LRRC8C: variants seen among roughly 807,000 people sequenced by gnomAD.
The protein encoded by LRRC8C is leucine rich repeat containing 8 VRAC subunit C, also known as volume-regulated anion channel subunit LRRC8C.
LRRC8C carries 20 observed loss-of-function variants against 55.3 expected under a neutral mutation model. The observed-to-expected ratio is 0.36, with a 90% confidence interval of 0.25 to 0.53. The LOEUF (loss-of-function observed/expected upper bound fraction) is 0.53. Among genes scored for constraint, LRRC8C ranks in the 20% least tolerant of loss-of-function variants. The probability of loss-of-function intolerance (pLI) is 0.92; values close to 1 mark genes in which losing one functional copy is unlikely to be tolerated. For missense variants in LRRC8C, 659 were observed against 951.4 expected (o/e 0.69, Z 4.04); for synonymous variants, 376 against 360.7 (o/e 1.04, Z -0.48).
At chr1:89,659,030 A>T (rs1657027489) in intron 1 of LRRC8C, among the ~76,000 whole-genome samples, 4 of 138,750 alleles carry the variant, frequency 2.9e-5, no homozygotes, top group African/African-American at 5.4e-5. Context: ...AGGAAATTTT[A>T]GGTTGTGTCT....
At position 89,686,479 on chromosome 1, in the gene LRRC8C, T is replaced by A; in HGVS notation, c.6T>A (p.Ile2=). ...ATCTCTCCTTTCTCAGAAACATGAT[T>A]CCCGTGACAGAATTCCGGCAGTTCT... M[I]PVTEFRQFSE... is the part of the protein sequence containing the mutation. Residue 2 remains isoleucine (I), a synonymous_variant, in exon 2 of 3, where the codon ATT becomes ATA. Coordinates refer to ENST00000370454, the MANE Select transcript of LRRC8C (RefSeq NM_032270.5). 2 of 1,614,142 alleles carry A rather than the reference T, an allele frequency of 1.2e-6. No individual in the cohort carries two copies. Among genetic ancestry groups the A allele is most frequent in the Non-Finnish European group, 1.7e-6 (2 of 1,180,000 alleles).
At chr1:89,665,726 T>C (rs2101224408) in intron 1 of LRRC8C, among the ~76,000 whole-genome samples, 1 of 152,242 alleles carries the variant, frequency 6.6e-6, no homozygotes, top group African/African-American at 2.4e-5. Flanking sequence ...TAGTGTAGCC[T>C]AGGTGTACAG....
the LRRC8C span, chr1:89,626,408 C>G: frequency 6.6e-6 from 1 of 152,186 alleles, no homozygotes; most frequent in African/African-American, 2.4e-5. Flanking sequence ...TTAGACCCCA[C>G]AGGCTAAGGG....
chr1:89,674,549 A>C (rs1570714737), intron 1 of LRRC8C, among the ~76,000 whole-genome samples: 1 of 152,136 alleles, frequency 6.6e-6, no homozygotes, highest in Admixed American at 6.5e-5. Flanking sequence ...ACAAAACCTA[A>C]CATTCTGATT....
At chr1:89,686,939 A>G (rs1044650771) in intron 2 of LRRC8C, among the ~76,000 whole-genome samples, 3 of 152,206 alleles carry the variant, frequency 2.0e-5, no homozygotes, top group Non-Finnish European at 4.4e-5. Context: ...AGCACCATTG[A>G]TACTGCCAAA....
the LRRC8C span, among the ~76,000 whole-genome samples, chr1:89,623,504 C>A: frequency 6.6e-6 from 1 of 152,128 alleles, no homozygotes; most frequent in African/African-American, 2.4e-5. Flanking sequence ...GGGCAGATCA[C>A]AAGGTCAGGA....
At chr1:89,635,786 C>A (rs1186135811) in intron 1 of LRRC8C, among the ~76,000 whole-genome samples, 1 of 152,156 alleles carries the variant, frequency 6.6e-6, no homozygotes, top group East Asian at 1.9e-4. Flanking sequence ...CAGAGCTTAA[C>A]CTTATGGACA....
chr1:89,650,469 G>T, intron 1 of LRRC8C, among the ~76,000 whole-genome samples: 1 of 150,444 alleles, frequency 6.6e-6, no homozygotes. Context: ...CTACAAGACT[G>T]GAATTTAATC....
intron 2 of LRRC8C, among the ~76,000 whole-genome samples, chr1:89,707,974 T>G (rs1248989240): frequency 1.3e-5 from 2 of 152,112 alleles, no homozygotes; most frequent in Admixed American, 1.3e-4. Context: ...TTTCCATAAA[T>G]GATTTCATTC....
At position 89,714,328 on chromosome 1, in the gene LRRC8C, G is replaced by A. The variant is rs754122852; in HGVS notation, c.1758G>A (p.Lys586=). 1 of 1,614,186 alleles carries A rather than the reference G, an allele frequency of 6.2e-7. No individual in the cohort carries two copies. Among genetic ancestry groups the A allele is most frequent in the East Asian group, 2.2e-5 (1 of 44,888 alleles). The stretch of plus-strand genomic sequence containing the variant: ...AGCTGGTGATGCTCAACAACTTAAA[G>A]AAGATGACCAATCTGACAGAGCTGG... The part of the protein sequence containing the change: ...GTKLVMLNNL[K]KMTNLTELEL... Residue 586 remains lysine (K), a synonymous_variant, in exon 3 of 3, where the codon AAG becomes AAA. Transcript: ENST00000370454. The surrounding 1 kb of genome is among the most constrained non-coding windows in gnomAD (Gnocchi z 4.6).
At chr1:89,698,519 A>G (rs543476915) in intron 2 of LRRC8C, among the ~76,000 whole-genome samples, 1 of 152,256 alleles carries the variant, frequency 6.6e-6, no homozygotes, top group South Asian at 2.1e-4. Flanking sequence ...GTGACATTTA[A>G]TGTTCCTCAG....
chr1:89,672,814 A>ATTTTTG (rs1557656470), intron 1 of LRRC8C, among the ~76,000 whole-genome samples: 2,373 of 151,676 alleles, frequency 0.016, 69 homozygotes, highest in African/African-American at 0.054. Context: ...ATTTATTTTT[A>ATTTTTG]TAGAAACAAT....
intron 1 of LRRC8C, among the ~76,000 whole-genome samples, chr1:89,662,410 A>G (rs368537414): frequency 1.2e-4 from 18 of 152,278 alleles, no homozygotes; most frequent in African/African-American, 4.1e-4. Flanking sequence ...ACAGAGTGAG[A>G]TGGAGAATTA....
chr1:89,663,873 A>T lies in LRRC8C; in HGVS notation c.-4-22597A>T, dbSNP rs184034661. On this transcript the variant is annotated intron_variant, in intron 1 of 2. Transcript: ENST00000370454. ...GGTTTTTATTTGCATTTCTCTGATG[A>T]CCAGTGATGATGAGCTTTTTTTCAT... is the stretch of plus-strand genomic sequence containing the variant. 2.4e-4 allele frequency among the ~76,000 whole-genome samples: 36 copies of T among 152,278 alleles called. 1 individual carries two copies. In the East Asian group the frequency reaches 6.0e-3, roughly 25 times the overall value.
chr1:89,618,594 A>G, the LRRC8C span, among the ~76,000 whole-genome samples: 1 of 152,238 alleles, frequency 6.6e-6, no homozygotes, highest in Admixed American at 6.5e-5. Context: ...TGATGAGAGC[A>G]AAACTAGAGG....
the LRRC8C span, among the ~76,000 whole-genome samples, chr1:89,619,447 C>T: frequency 6.7e-6 from 1 of 149,322 alleles, no homozygotes; most frequent in African/African-American, 2.4e-5. Flanking sequence ...TAAATGAATA[C>T]AAATTTAAAT....
At chr1:89,695,919 A>T (rs992341111) in intron 2 of LRRC8C, among the ~76,000 whole-genome samples, 1 of 152,186 alleles carries the variant, frequency 6.6e-6, no homozygotes, top group African/African-American at 2.4e-5. Flanking sequence ...ATTGTGAAAA[A>T]AATGGTGATA....
chr1:89,636,617 C>A (rs923397422), intron 1 of LRRC8C, among the ~76,000 whole-genome samples: 81 of 106,100 alleles, frequency 7.6e-4, no homozygotes, highest in Non-Finnish European at 1.3e-3. Flanking sequence ...TCTCTCCCCA[C>A]CACACACCTC....
At chr1:89,689,966 A>G (rs1031490927) in intron 2 of LRRC8C, among the ~76,000 whole-genome samples, 1 of 152,066 alleles carries the variant, frequency 6.6e-6, no homozygotes, top group Non-Finnish European at 1.5e-5. Flanking sequence ...GAAATCAAGG[A>G]TGACTAAGAT....
Sources: gnomAD v4.1 joint callset for allele counts (sites outside exome capture counted in the v4.1 genomes callset) on GRCh38, gnomAD v4.1.1 for gene constraint, Gnocchi (gnomAD v3.1) non-coding constraint, MANE v1.5 for transcripts, NCBI Gene and HGNC (gene_info 2026-07-23, HGNC 2026-07-21) for gene names.